Variants in TRPM4 observed in about 807,000 individuals in gnomAD.
TRPM4 encodes calcium-activated non-selective cation channel 1.
A neutral mutation model predicts 135.6 loss-of-function variants in TRPM4; 124 were observed. The ratio of observed to expected loss-of-function variants is 0.91; its 90% confidence interval spans 0.79 to 1.06. The LOEUF (loss-of-function observed/expected upper bound fraction) is 1.06, where lower values mean the gene tolerates loss of function less well. Ranked by LOEUF, TRPM4 falls within the 50% of genes least tolerant of loss-of-function variation. The pLI, the probability that TRPM4 is intolerant of heterozygous loss-of-function variation, is 0.00. For synonymous variants in TRPM4, 745 were observed against 705.6 expected (o/e 1.06, Z -0.88); for missense variants, 1,658 against 1,671.4 (o/e 0.99, Z 0.14).
intron 9 of TRPM4, among the ~76,000 whole-genome samples, chr19:49,173,044 C>G (rs112332756): frequency 5.8e-5 from 8 of 138,302 alleles, no homozygotes; most frequent in African/African-American, 1.3e-4. Flanking sequence ...ATCCATCCAT[C>G]TTCTCACCTG....
rs1600460076 is a variant in TRPM4 at position 49,182,814 on chromosome 19, C to T, written c.1500C>T (p.Pro500=). The change falls in exon 11 of 25, where the codon CCC becomes CCT. Residue 500 remains proline, a synonymous_variant. Coordinates refer to ENST00000252826, the MANE Select transcript of TRPM4 (RefSeq NM_017636.4). ...ALKGGAAELR[P]PDVGHVLRML... ...AAGGGGGAGCTGCGGAGCTCCGGCC[C>T]CCTGACGTGGGGCATGTGCTGAGGA... The T allele has an allele frequency of 2.5e-6, 4 of 1,613,386 alleles. No individual in the cohort carries two copies. Among genetic ancestry groups the T allele is most frequent in the African/African-American group, 2.7e-5 (2 of 75,062 alleles).
rs771779908 is a variant in TRPM4, at chr19:49,211,013, AG to A, written c.3463del. On this transcript the variant is annotated splice_acceptor_variant, in intron 22 of 24. Transcript: ENST00000252826. LOFTEE classifies it high-confidence loss of function. This position sits in a 1 kb window ranked among gnomAD's most constrained non-coding sequence, Gnocchi z 4.8. ...CCCCGGTAAGAGGCCCTCCCTTCTC[AG>A]GGTGGACTTGGCACTGAAACAGCTG... 8.1e-6 allele frequency: 13 copies of A among 1,613,912 alleles called. No individual in the cohort carries two copies. The East Asian group carries it at 2.7e-4, about 33-fold the overall frequency.
chr19:49,201,985 A>C lies in TRPM4; in HGVS notation c.2975A>C (p.Asn992Thr), dbSNP rs1968950540. The change falls in exon 20 of 25, where the codon AAC (asparagine) becomes ACC (threonine). Residue 992 changes from asparagine (N) to threonine (T), a missense_variant. Physicochemically the swap from Asn to Thr is moderately conservative, Grantham distance 65. Around this residue, in one of 3 missense-constraint regions of TRPM4, gnomAD observed 1,412 missense variants for 1,408.7 expected, o/e 1.00. Transcript: ENST00000252826. ...DMDVALMEHS[N>T]CSSEPGFWAH... ...ACAGTGGCCCTCATGGAGCACAGCA[A>C]CTGCTCGTCGGAGCCCGGCTTCTGG... 6.2e-7 allele frequency: 1 copy of C among 1,613,652 alleles called. No homozygotes were observed. The highest frequency in any genetic ancestry group is 1.3e-5 in the African/African-American group (1 of 74,922).
At chr19:49,179,898 C>T (rs1003164475) in intron 9 of TRPM4, among the ~76,000 whole-genome samples, 2 of 152,182 alleles carry the variant, frequency 1.3e-5, no homozygotes, top group Admixed American at 1.3e-4. Flanking sequence ...GGAACTTCTT[C>T]CCACAGTTAC....
rs746152709 is a variant in TRPM4 at position 49,182,651 on chromosome 19, C to A, written c.1337C>A (p.Ser446Tyr). Residue 446 changes from serine (S) to tyrosine (Y), a missense_variant, in exon 11 of 25, where the codon TCC (serine) becomes TAC (tyrosine). Physicochemically the swap from Ser to Tyr is moderately radical, Grantham distance 144. Around this residue, in one of 3 missense-constraint regions of TRPM4, gnomAD observed 1,412 missense variants for 1,408.7 expected, o/e 1.00. Transcript: ENST00000252826. The part of the protein sequence containing the change: ...DRPEFVRLLI[S>Y]HGLSLGHFLT... ...CCTGAGTTCGTGCGCTTGCTCATTT[C>A]CCACGGCCTCAGCCTGGGCCACTTC... The A allele has an allele frequency of 5.0e-6, 8 of 1,614,222 alleles. No individual in the cohort carries two copies. In the South Asian group the frequency reaches 7.7e-5, roughly 16 times the overall value.
chr19:49,189,938 C>G (rs1968347648), intron 14 of TRPM4, among the ~76,000 whole-genome samples: 1 of 152,138 alleles, frequency 6.6e-6, no homozygotes, highest in Non-Finnish European at 1.5e-5. Context: ...TACCCACCCC[C>G]TTATGTGTCA....
At chr19:49,178,455 T>C (rs1600442975) in intron 9 of TRPM4, among the ~76,000 whole-genome samples, 1 of 151,986 alleles carries the variant, frequency 6.6e-6, no homozygotes, top group East Asian at 1.9e-4. Context: ...TCGGGGAGGC[T>C]CAGCAGAGAG....
intron 19 of TRPM4, among the ~76,000 whole-genome samples, chr19:49,201,105 T>C (rs995594428): frequency 6.7e-6 from 1 of 149,358 alleles, no homozygotes; most frequent in Non-Finnish European, 1.5e-5. Context: ...AGTAAAGCCA[T>C]TTTTATTTTT....
chr19:49,161,496 A>C (rs1024386870), intron 2 of TRPM4, among the ~76,000 whole-genome samples: 4 of 148,792 alleles, frequency 2.7e-5, no homozygotes, highest in Admixed American at 6.7e-5. Context: ...CTAATTTTAA[A>C]ATTTTTTGTA....
intron 10 of TRPM4, among the ~76,000 whole-genome samples, chr19:49,182,235 T>TCTAC (rs1439974836): frequency 2.1e-4 from 26 of 125,460 alleles, no homozygotes; most frequent in African/African-American, 3.0e-4. Flanking sequence ...CATCCATCCA[T>TCTAC]CTATCCATCC....
Position 49,181,338 on chromosome 19 carries a change from A to C in TRPM4, c.1151-11A>C. ...CTGACTTCTTGTCCCCTCTCCCTCT[A>C]ATCCTTCCAGCCTGTGGGAGCTCGG... On this transcript the variant is annotated splice_polypyrimidine_tract_variant and intron_variant, in intron 9 of 24. Transcript: ENST00000252826. 1 of 1,605,476 alleles carries C rather than the reference A, an allele frequency of 6.2e-7. No homozygotes were observed. The highest frequency in any genetic ancestry group is 8.5e-7 in the Non-Finnish European group (1 of 1,172,484).
At chr19:49,158,391 G>A (rs2041560314) in intron 2 of TRPM4, 132 bp downstream of exon 2, 2 of 839,278 alleles carry the variant, frequency 2.4e-6, no homozygotes, top group Admixed American at 1.8e-5. Flanking sequence ...GTTCCTTGCC[G>A]ACGCTCTCCC....
intron 9 of TRPM4, among the ~76,000 whole-genome samples, chr19:49,178,293 C>T (rs542567691): frequency 6.6e-6 from 1 of 152,264 alleles, no homozygotes; most frequent in African/African-American, 2.4e-5. Context: ...CCACTGCACT[C>T]CAGACTGGGT....
intron 9 of TRPM4, among the ~76,000 whole-genome samples, chr19:49,175,465 T>C (rs923259302): frequency 3.3e-5 from 5 of 151,924 alleles, no homozygotes; most frequent in Non-Finnish European, 7.4e-5. Flanking sequence ...CATCTCGGCC[T>C]CCCAACGTGC....
rs1968952845 is a variant in TRPM4, at chr19:49,202,009, G to A, written c.2999G>A (p.Trp1000Ter). The change falls in exon 20 of 25, where the codon TGG (tryptophan) becomes TAG (stop). Residue 1000 changes from tryptophan (W) to a stop codon, truncating the protein, a stop_gained. Transcript: ENST00000252826. LOFTEE classifies it high-confidence loss of function. ...HSNCSSEPGF[W>*]AHPPGAQAGT... ...AACTGCTCGTCGGAGCCCGGCTTCT[G>A]GGCACACCCTCCTGGGGCCCAGGCG... The A allele has an allele frequency of 1.9e-6, 3 of 1,613,630 alleles. No individual in the cohort carries two copies. Among genetic ancestry groups the A allele is most frequent in the Non-Finnish European group, 2.5e-6 (3 of 1,180,034 alleles).
chr19:49,187,003 C>G (rs192455997), intron 12 of TRPM4, among the ~76,000 whole-genome samples: 1 of 152,068 alleles, frequency 6.6e-6, no homozygotes, highest in Admixed American at 6.6e-5. Flanking sequence ...GATAGGGCCA[C>G]ACACACAACC....
At chr19:49,172,821 G>A (rs369935296) in intron 9 of TRPM4, among the ~76,000 whole-genome samples, 1 of 66,418 alleles carries the variant, frequency 1.5e-5, no homozygotes, top group East Asian at 3.3e-4. Context: ...TCCTGAGAAT[G>A]CCATCCGCTC....
rs921825299 is a variant in TRPM4, at chr19:49,210,501, T to C, written c.3328+96T>C. 10 of 1,502,546 alleles carry C rather than the reference T, an allele frequency of 6.7e-6. No homozygotes were observed. In the African/African-American group the frequency reaches 8.3e-5, roughly 12 times the overall value. 93.1% of individuals were successfully genotyped at this position (1,502,546 alleles called of 1,614,324 possible). On this transcript the variant is annotated intron_variant, in intron 21 of 24. Coordinates refer to ENST00000252826, the MANE Select transcript of TRPM4 (RefSeq NM_017636.4). This position sits in a 1 kb window ranked among gnomAD's most constrained non-coding sequence, Gnocchi z 4.1. ...GCATGCCCCAAATGACTAACGGGCG[T>C]GGCTTAGGTAGCGAGGGGCGGGGTT... is the stretch of plus-strand genomic sequence containing the variant.
intron 6 of TRPM4, 80 bp downstream of exon 6, chr19:49,168,816 T>C: frequency 6.9e-7 from 1 of 1,448,156 alleles, no homozygotes; most frequent in East Asian, 2.5e-5. Flanking sequence ...TAGTTTGGTC[T>C]GGTCGAGATT....
Sources: gnomAD v4.1 joint callset for allele counts (sites outside exome capture counted in the v4.1 genomes callset) on GRCh38, gnomAD v4.1.1 for gene constraint, gnomAD v4.1.1 regional missense constraint, Gnocchi (gnomAD v3.1) non-coding constraint, MANE v1.5 for transcripts, NCBI Gene and HGNC (gene_info 2026-07-23, HGNC 2026-07-21) for gene names.